The following RXYLT1 variants were observed in gnomAD, a reference collection of about 807,000 sequenced individuals.
RXYLT1 encodes ribitol-5-phosphate xylosyltransferase 1.
Under a neutral mutation model 43.5 loss-of-function variants are expected in RXYLT1, and 41 were observed. The observed-to-expected ratio is 0.94, with a 90% CI of 0.73 to 1.22. The LOEUF (loss-of-function observed/expected upper bound fraction) is 1.22. Ranked by LOEUF, RXYLT1 falls within the 50% of genes most tolerant of loss-of-function variation. The pLI is 0.00. For synonymous variants in RXYLT1, 166 were observed against 194.4 expected (o/e 0.85, Z 1.21); for missense variants, 514 against 532.0 (o/e 0.97, Z 0.33).
chr12:63,791,028 T>G (rs1897910082), intron 3 of RXYLT1, among the ~76,000 whole-genome samples: 4 of 152,182 alleles, frequency 2.6e-5, no homozygotes, highest in African/African-American at 9.7e-5. Flanking sequence ...TTTTTCTGTT[T>G]CCATTACTGT....
intron 1 of RXYLT1, 59 bp from the exon 2 acceptor site, chr12:63,780,960 G>C: frequency 7.5e-7 from 1 of 1,341,166 alleles, no homozygotes; most frequent in Non-Finnish European, 9.8e-7. Context: ...TAAATGATTT[G>C]AATTTACCTA....
intron 3 of RXYLT1, among the ~76,000 whole-genome samples, chr12:63,792,877 A>AT (rs1897949171): frequency 6.6e-6 from 1 of 152,226 alleles, no homozygotes. Flanking sequence ...TATTAAGTAT[A>AT]TTCAATTCTA....
chr12:63,791,432 T>C (rs548853097), intron 3 of RXYLT1, among the ~76,000 whole-genome samples: 1 of 152,346 alleles, frequency 6.6e-6, no homozygotes, highest in Admixed American at 6.5e-5. Context: ...CTGCTACTTA[T>C]GAAAGAGTTG....
At chr12:63,798,732 C>T (rs994349876) in intron 3 of RXYLT1, among the ~76,000 whole-genome samples, 24 of 152,282 alleles carry the variant, frequency 1.6e-4, no homozygotes, top group South Asian at 2.1e-4. Context: ...TGATAAAATG[C>T]ACGCACTGCA....
rs752934815 is a variant in RXYLT1 at position 63,781,153 on chromosome 12, A to T, written c.304A>T (p.Ile102Phe). ...AGGAAAAACAGATCTCAGTGTACAAATCTGGGGCAAAGCTGCCATTGGTAA... is the reference window on the plus strand; with the variant it reads ...AGGAAAAACAGATCTCAGTGTACAATTCTGGGGCAAAGCTGCCATTGGTAA... ...TKGKTDLSVQ[I>F]WGKAAIGLYL... Residue 102 changes from isoleucine to phenylalanine, a missense_variant, in exon 2 of 6, where the codon ATC (isoleucine) becomes TTC (phenylalanine). Transcript: ENST00000261234. 3 of 1,582,650 alleles carry T rather than the reference A, an allele frequency of 1.9e-6. No homozygotes were observed. The highest frequency in any genetic ancestry group is 2.6e-6 in the Non-Finnish European group (3 of 1,167,232).
chr12:63,790,086 A>C (rs1897890236), intron 3 of RXYLT1, among the ~76,000 whole-genome samples: 1 of 152,202 alleles, frequency 6.6e-6, no homozygotes, highest in South Asian at 2.1e-4. Context: ...CAGGCTCAGG[A>C]ATGCTGATTT....
intron 1 of RXYLT1, 141 bp downstream of exon 1, chr12:63,780,270 C>T (rs1897648160): frequency 7.3e-7 from 1 of 1,365,082 alleles, no homozygotes; most frequent in Admixed American, 3.8e-5. Context: ...CCTACAGCCT[C>T]TCGAGCCAGC....
At chr12:63,792,880 C>A (rs1345998219) in intron 3 of RXYLT1, among the ~76,000 whole-genome samples, 1 of 152,152 alleles carries the variant, frequency 6.6e-6, no homozygotes, top group African/African-American at 2.4e-5. Flanking sequence ...TAAGTATATT[C>A]AATTCTATAA....
chr12:63,789,821 T>A (rs970318464), intron 3 of RXYLT1, among the ~76,000 whole-genome samples: 1 of 152,238 alleles, frequency 6.6e-6, no homozygotes, highest in Non-Finnish European at 1.5e-5. Flanking sequence ...AAGTCTTCAG[T>A]TGAAACAACT....
chr12:63,789,349 G>C (rs1012673039), intron 3 of RXYLT1, among the ~76,000 whole-genome samples: 1 of 152,188 alleles, frequency 6.6e-6, no homozygotes, highest in African/African-American at 2.4e-5. Flanking sequence ...ATCAGATCTT[G>C]TGAGACTTAT....
At chr12:63,803,764 C>T (rs1898219902) in intron 4 of RXYLT1, 1 of 151,730 alleles carries the variant, frequency 6.6e-6, no homozygotes, top group East Asian at 1.9e-4. Context: ...TGTTGTTGCA[C>T]TAGGCCAGTA....
chr12:63,780,129 G>A lies in RXYLT1; in HGVS notation c.169G>A (p.Glu57Lys), dbSNP rs1230589868. 4 of 1,485,356 alleles carry A rather than the reference G, an allele frequency of 2.7e-6. No homozygotes were observed. Among genetic ancestry groups the A allele is most frequent in the African/African-American group, 1.5e-5 (1 of 68,222 alleles). 92.0% of individuals were successfully genotyped at this position (1,485,356 alleles called of 1,614,324 possible). A position where few individuals can be genotyped will look rare whatever the true frequency, so the allele number is the denominator to read the frequency against. Residue 57 changes from glutamate (E) to lysine (K), a missense_variant and splice_region_variant, in exon 1 of 6, where the codon GAA becomes AAA. Transcript: ENST00000261234. ...AAPARERRGR[E>K]QSTLESEEWN... ...CCCCGCGCGGGAGAGACGCGGCCGA[G>A]GTAGGACTGGGTCGGCGGCTTCCTT...
At chr12:63,803,181 CAAA>C (rs763579072) in intron 4 of RXYLT1, among the ~76,000 whole-genome samples, 1,386 of 21,562 alleles carry the variant, frequency 0.064, 1 homozygote, top group Middle Eastern at 0.12. Context: ...ACTGTCTCAC[CAAA>C]AAAAAAAAAA....
intron 3 of RXYLT1, among the ~76,000 whole-genome samples, chr12:63,801,276 A>G (rs1039499616): frequency 6.6e-6 from 1 of 152,128 alleles, no homozygotes; most frequent in Non-Finnish European, 1.5e-5. Context: ...TTTTTGAGAT[A>G]TAACATTCAT....
At chr12:63,802,751 A>T (rs1342960107) in intron 4 of RXYLT1, among the ~76,000 whole-genome samples, 1 of 151,974 alleles carries the variant, frequency 6.6e-6, no homozygotes, top group Non-Finnish European at 1.5e-5. Flanking sequence ...TATATATAGT[A>T]AAAAAAGGCA....
At chr12:63,805,136 C>T (rs1281037296) in intron 4 of RXYLT1, 98 bp from the exon 5 acceptor site, 4 of 819,324 alleles carry the variant, frequency 4.9e-6, no homozygotes, top group Non-Finnish European at 7.1e-6. Flanking sequence ...ACATTTTAAA[C>T]CTCTTCTGTA....
rs1200275604 is a variant in RXYLT1 at position 63,780,007 on chromosome 12, A to G, written c.47A>G (p.Tyr16Cys). 5.0e-6 allele frequency: 8 copies of G among 1,610,494 alleles called. No individual in the cohort carries two copies. In the East Asian group the frequency reaches 1.1e-4, roughly 23 times the overall value. The change falls in exon 1 of 6, where the codon TAC becomes TGC. Residue 16 changes from tyrosine (Y) to cysteine (C), a missense_variant. Coordinates refer to ENST00000261234, the MANE Select transcript of RXYLT1 (RefSeq NM_014254.3). ...KRLCSFLIAL[Y>C]CLFSLYAAYH... ...CTCTGCTCGTTTCTTATCGCCCTGTACTGCCTATTCTCCCTCTACGCTGCC... is the reference window on the plus strand; with the variant it reads ...CTCTGCTCGTTTCTTATCGCCCTGTGCTGCCTATTCTCCCTCTACGCTGCC...
At chr12:63,805,168 T>G in intron 4 of RXYLT1, 66 bp from the exon 5 acceptor site, 2 of 1,281,316 alleles carry the variant, frequency 1.6e-6, no homozygotes, top group Non-Finnish European at 2.1e-6. Context: ...ACCTAAGAGA[T>G]TGGGTTATGG....
chr12:63,786,857 T>C (rs1412051261), intron 3 of RXYLT1, among the ~76,000 whole-genome samples: 1 of 152,196 alleles, frequency 6.6e-6, no homozygotes, highest in Non-Finnish European at 1.5e-5. Flanking sequence ...CTCATGCCTG[T>C]AATCCCAGTA....
Sources: gnomAD v4.1 joint callset for allele counts (sites outside exome capture counted in the v4.1 genomes callset) on GRCh38, gnomAD v4.1.1 for gene constraint, MANE v1.5 for transcripts, NCBI Gene and HGNC (gene_info 2026-07-23, HGNC 2026-07-21) for gene names.